NPC1: variants seen among roughly 807,000 people sequenced by gnomAD.
The protein encoded by NPC1 is NPC intracellular cholesterol transporter 1, also known as Niemann-Pick C1 protein.
Under a neutral mutation model 140.4 loss-of-function variants are expected in NPC1, and 85 were observed. The observed-to-expected ratio is 0.61, with a 90% CI of 0.51 to 0.72. The LOEUF (loss-of-function observed/expected upper bound fraction) is 0.72, where lower values mean the gene tolerates loss of function less well. Ranked by LOEUF, NPC1 falls within the 30% of genes least tolerant of loss-of-function variation. The pLI, the probability that NPC1 is intolerant of heterozygous loss-of-function variation, is 0.00. For synonymous variants in NPC1, 656 were observed against 624.8 expected (o/e 1.05, Z -0.74); for missense variants, 1,504 against 1,623.8 (o/e 0.93, Z 1.27).
At chr18:23,555,591 T>G (rs76787233) in intron 8 of NPC1, among the ~76,000 whole-genome samples, 2,050 of 152,342 alleles carry the variant, frequency 0.013, 41 homozygotes, top group African/African-American at 0.047. Context: ...AAAAACCATG[T>G]GATTATACAT....
intron 3 of NPC1, among the ~76,000 whole-genome samples, chr18:23,571,726 C>G (rs1340610851): frequency 2.0e-5 from 3 of 151,532 alleles, no homozygotes; most frequent in Non-Finnish European, 4.4e-5. Context: ...GTAGTCCTAG[C>G]TACTCAGGAG....
At chr18:23,539,584 A>G in intron 18 of NPC1, 114 bp from the exon 19 acceptor site, 1 of 830,304 alleles carries the variant, frequency 1.2e-6, no homozygotes, top group South Asian at 1.6e-5. Flanking sequence ...CTAACAGTCA[A>G]AAGAAAAACT....
downstream of NPC1, chr18:23,519,289 G>T (rs112508588): frequency 7.4e-3 from 6,369 of 855,436 alleles, 245 homozygotes; most frequent in African/African-American, 0.096. Context: ...AGGCCAAGGC[G>T]GACAGATTGC....
At chr18:23,549,764 G>A (rs561184306) in intron 10 of NPC1, among the ~76,000 whole-genome samples, 115 of 137,242 alleles carry the variant, frequency 8.4e-4, no homozygotes, top group Middle Eastern at 3.9e-3. Context: ...TTTTTAAGAC[G>A]GAGTCTTGCT....
At chr18:23,553,415 A>G (rs2058903126) in intron 9 of NPC1, among the ~76,000 whole-genome samples, 1 of 152,196 alleles carries the variant, frequency 6.6e-6, no homozygotes, top group African/African-American at 2.4e-5. Flanking sequence ...TTTCATGAGT[A>G]TAACTCATGT....
At chr18:23,546,655 A>T (rs919978768) in intron 11 of NPC1, among the ~76,000 whole-genome samples, 1 of 152,254 alleles carries the variant, frequency 6.6e-6, no homozygotes, top group African/African-American at 2.4e-5. Context: ...TGGTATATCC[A>T]TACAATGGAA....
At chr18:23,515,347 G>A (rs1423138469) in intron 3 of NPC1, among the ~76,000 whole-genome samples, 1 of 152,158 alleles carries the variant, frequency 6.6e-6, no homozygotes, top group Non-Finnish European at 1.5e-5. Flanking sequence ...GGCCAGTGAT[G>A]CCTGCCTCTC....
chr18:23,574,631 G>C (rs1314573891), intron 1 of NPC1, among the ~76,000 whole-genome samples: 1 of 152,182 alleles, frequency 6.6e-6, no homozygotes, highest in African/African-American at 2.4e-5. Flanking sequence ...ATTGGGATTT[G>C]TATGTGTGGG....
intron 5 of NPC1, 56 bp from the exon 6 acceptor site, chr18:23,560,536 G>GTA: frequency 1.3e-6 from 2 of 1,583,484 alleles, no homozygotes. Flanking sequence ...CCAAAATTTT[G>GTA]TATTATACTT....
chr18:23,554,918 G>C lies in NPC1; in HGVS notation c.1393C>G (p.Gln465Glu), dbSNP rs1369007495. The change falls in exon 9 of 25, where the codon CAA becomes GAA. Residue 465 changes from glutamine to glutamate, a missense_variant. By Grantham distance (29) the Gln-to-Glu change is conservative. Transcript: ENST00000269228. ...GAAAGAGGGGCCAAGCAGATGTCTT[G>C]AAGTGTCACAGTCTCATTGTCATAA... ...ASYDNETVTLQDICLAPLSPY... is the reference protein window; with the variant it reads ...ASYDNETVTLEDICLAPLSPY... The C allele has an allele frequency of 3.1e-6, 5 of 1,614,010 alleles. No homozygotes were observed. Among genetic ancestry groups the C allele is most frequent in the Admixed American group, 1.7e-5 (1 of 60,006 alleles).
At chr18:23,526,733 G>C (rs959055112), downstream of NPC1, 1 of 1,614,114 alleles carries the variant, frequency 6.2e-7, no homozygotes, top group Admixed American at 1.7e-5. Flanking sequence ...AGAAAGGAAT[G>C]CAAGATGGTC....
At chr18:23,534,285 C>A in intron 23 of NPC1, 161 bp downstream of exon 23, 1 of 693,098 alleles carries the variant, frequency 1.4e-6, no homozygotes, top group Non-Finnish European at 2.6e-6. Context: ...TTCCACAGAA[C>A]GTCCGTTCTG....
chr18:23,540,016 AAAG>A lies in NPC1; in HGVS notation c.2605-18_2605-16del. The A allele has an allele frequency of 6.2e-7, 1 of 1,606,166 alleles. No individual in the cohort carries two copies. Among genetic ancestry groups the A allele is most frequent in the Non-Finnish European group, 8.5e-7 (1 of 1,172,920 alleles). On this transcript the variant is annotated splice_polypyrimidine_tract_variant and intron_variant, in intron 17 of 24. Coordinates refer to ENST00000269228, the MANE Select transcript of NPC1 (RefSeq NM_000271.5). ...ATGTAGGAGTCCTGAAAGAAAGATAAAAGAATAGGAGAGAGTGTGAACACTCTG... is the reference window on the plus strand; with the variant it reads ...ATGTAGGAGTCCTGAAAGAAAGATAAAATAGGAGAGAGTGTGAACACTCTG...
intron 6 of NPC1, among the ~76,000 whole-genome samples, chr18:23,558,901 T>C (rs2472610): frequency 0.73 from 111,375 of 151,804 alleles, 41,680 homozygotes; most frequent in East Asian, 0.93. Flanking sequence ...GTCCCCGGTG[T>C]GTGACGTTCC....
intron 5 of NPC1, among the ~76,000 whole-genome samples, 185 bp from the exon 6 acceptor site, chr18:23,560,665 T>G (rs1422910676): frequency 6.6e-6 from 1 of 152,210 alleles, no homozygotes; most frequent in Non-Finnish European, 1.5e-5. Context: ...TTAAGTTACC[T>G]CAATAAACTT....
chr18:23,530,260 A>C, downstream of NPC1: 1 of 1,614,216 alleles, frequency 6.2e-7, no homozygotes, highest in South Asian at 1.1e-5. Context: ...GAGAGTTTCT[A>C]TCCTCCTGCT....
intron 10 of NPC1, among the ~76,000 whole-genome samples, chr18:23,549,054 G>C (rs115610585): frequency 6.6e-6 from 1 of 151,874 alleles, no homozygotes; most frequent in African/African-American, 2.4e-5. Context: ...CTCCCAAAGT[G>C]CTGGGATTAT....
downstream of NPC1, chr18:23,520,199 C>CA (rs769761155): frequency 6.8e-6 from 11 of 1,609,710 alleles, no homozygotes; most frequent in South Asian, 1.1e-4. Context: ...TTTTCCCCCC[C>CA]AGACATCGGT....
chr18:23,571,748 A>C (rs1371135639), intron 3 of NPC1, among the ~76,000 whole-genome samples: 1 of 151,944 alleles, frequency 6.6e-6, no homozygotes, highest in Non-Finnish European at 1.5e-5. Flanking sequence ...CTAAGGTAGA[A>C]CAATCACTGG....
Sources: gnomAD v4.1 joint callset for allele counts (sites outside exome capture counted in the v4.1 genomes callset) on GRCh38, gnomAD v4.1.1 for gene constraint, MANE v1.5 for transcripts, NCBI Gene and HGNC (gene_info 2026-07-23, HGNC 2026-07-21) for gene names.